The following KANK1 variants were observed in gnomAD, a reference collection of about 807,000 sequenced individuals.
KANK1 encodes KN motif and ankyrin repeat domains 1.
In KANK1, 109 loss-of-function variants were observed where a neutral mutation model predicts 106.2. That is an observed-to-expected ratio of 1.03 (90% CI 0.88 to 1.20). The LOEUF is 1.20. KANK1 is among the 50% of genes most tolerant of loss of function. The pLI is 0.00. For synonymous variants in KANK1, 873 were observed against 652.2 expected (o/e 1.34, Z -5.16); for missense variants, 2,399 against 1,710.7 (o/e 1.40, Z -7.10).
intron 1 of KANK1, among the ~76,000 whole-genome samples, chr9:636,469 G>T (rs573542841): frequency 2.1e-4 from 32 of 152,174 alleles, no homozygotes; most frequent in Non-Finnish European, 4.1e-4. Flanking sequence ...ACAGCATTCA[G>T]GACAATATTA....
chr9:659,765 G>A (rs924426573), intron 1 of KANK1, among the ~76,000 whole-genome samples: 1 of 151,774 alleles, frequency 6.6e-6, no homozygotes, highest in Non-Finnish European at 1.5e-5. Context: ...CCGCCCCCAT[G>A]ATCTAATCAC....
intron 1 of KANK1, among the ~76,000 whole-genome samples, chr9:584,097 C>T (rs1588027680): frequency 6.6e-6 from 1 of 152,076 alleles, no homozygotes; most frequent in Admixed American, 6.5e-5. Flanking sequence ...ATATCTTTCT[C>T]AGCATTACAT....
chr9:520,034 G>A (rs1277556254), intron 1 of KANK1, among the ~76,000 whole-genome samples: 2 of 151,688 alleles, frequency 1.3e-5, no homozygotes, highest in South Asian at 2.1e-4. Flanking sequence ...TTATGGCAGA[G>A]GGTAAGAAAA....
chr9:689,285 A>G (rs1050084516), intron 2 of KANK1, among the ~76,000 whole-genome samples: 1 of 152,174 alleles, frequency 6.6e-6, no homozygotes, highest in Non-Finnish European at 1.5e-5. Flanking sequence ...GCGTTTGTTG[A>G]ATAAAGGATA....
At chr9:671,411 C>T (rs1255782204) in intron 1 of KANK1, among the ~76,000 whole-genome samples, 10 of 151,368 alleles carry the variant, frequency 6.6e-5, no homozygotes, top group Admixed American at 3.3e-4. Context: ...TTTGGGAGGC[C>T]GAGGCATGCA....
chr9:663,936 C>T (rs74402635), intron 1 of KANK1, among the ~76,000 whole-genome samples: 1 of 152,146 alleles, frequency 6.6e-6, no homozygotes, highest in Non-Finnish European at 1.5e-5. Flanking sequence ...GGCAGATGCT[C>T]TCATGGGAAC....
At chr9:505,827 C>G (rs1026744630) in intron 1 of KANK1, among the ~76,000 whole-genome samples, 1 of 152,212 alleles carries the variant, frequency 6.6e-6, no homozygotes, top group Non-Finnish European at 1.5e-5. Context: ...AGTTCCTTTC[C>G]TCACCGTCAT....
At chr9:642,631 C>T (rs760209375) in intron 1 of KANK1, among the ~76,000 whole-genome samples, 8 of 150,856 alleles carry the variant, frequency 5.3e-5, no homozygotes, top group Non-Finnish European at 8.8e-5. Context: ...AAATTCCCCT[C>T]CTTTGAGTGG....
intron 1 of KANK1, among the ~76,000 whole-genome samples, chr9:564,120 C>T (rs941488736): frequency 1.6e-4 from 24 of 150,030 alleles, no homozygotes; most frequent in African/African-American, 5.2e-4. Flanking sequence ...AGTGCGGTGG[C>T]GCAATCTCGG....
At chr9:616,914 C>T (rs1339292028) in intron 1 of KANK1, among the ~76,000 whole-genome samples, 3 of 152,176 alleles carry the variant, frequency 2.0e-5, no homozygotes, top group African/African-American at 7.2e-5. Flanking sequence ...TAAAGCAAGT[C>T]ACAATGCCAC....
At chr9:669,568 C>G (rs946356594) in intron 1 of KANK1, among the ~76,000 whole-genome samples, 2 of 152,206 alleles carry the variant, frequency 1.3e-5, no homozygotes, top group South Asian at 2.1e-4. Context: ...TCCTGACTTA[C>G]GGTTTCCATT....
At chr9:622,574 A>G (rs1833401193) in intron 1 of KANK1, among the ~76,000 whole-genome samples, 1 of 152,162 alleles carries the variant, frequency 6.6e-6, no homozygotes, top group Admixed American at 6.5e-5. Context: ...GACCCTTAAC[A>G]CCATATACAA....
chr9:565,891 T>C (rs930205698), intron 1 of KANK1, among the ~76,000 whole-genome samples: 16 of 152,220 alleles, frequency 1.1e-4, no homozygotes, highest in African/African-American at 3.9e-4. Context: ...GGTTCAGGGG[T>C]GCATGTGCAG....
chr9:653,964 C>T (rs567807920), intron 1 of KANK1, among the ~76,000 whole-genome samples: 5 of 152,188 alleles, frequency 3.3e-5, no homozygotes, highest in African/African-American at 1.2e-4. Flanking sequence ...CACCCTGTTC[C>T]TTTCCACATG....
intron 1 of KANK1, among the ~76,000 whole-genome samples, chr9:529,105 T>G (rs1007694279): frequency 1.0e-4 from 15 of 148,494 alleles, no homozygotes; most frequent in African/African-American, 3.7e-4. Context: ...GGCCCATGGC[T>G]CAGATTTAAA....
chr9:675,209 A>C (rs555765304), intron 1 of KANK1, among the ~76,000 whole-genome samples: 2 of 152,200 alleles, frequency 1.3e-5, no homozygotes, highest in Non-Finnish European at 2.9e-5. Flanking sequence ...TTTAACCAAC[A>C]TACTTTGAAT....
intron 1 of KANK1, among the ~76,000 whole-genome samples, chr9:631,605 G>A (rs10975496): frequency 0.21 from 31,545 of 152,110 alleles, 3,715 homozygotes; most frequent in African/African-American, 0.3. Context: ...CAGAGCAGTA[G>A]TTACTGAAAA....
chr9:476,129 A>G (rs1402818743), intron 3 of KANK1, among the ~76,000 whole-genome samples: 2 of 150,698 alleles, frequency 1.3e-5, no homozygotes, highest in African/African-American at 2.4e-5. Flanking sequence ...GGGCAACAAG[A>G]GCAAAACTCC....
At chr9:518,109 C>A (rs978543258) in intron 1 of KANK1, among the ~76,000 whole-genome samples, 3 of 151,734 alleles carry the variant, frequency 2.0e-5, no homozygotes, top group Non-Finnish European at 4.4e-5. Flanking sequence ...AAAAGTGTCA[C>A]TCTTTCCTGC....
Sources: allele counts gnomAD v4.1 joint callset (sites outside exome capture counted in the v4.1 genomes callset), GRCh38; gene constraint gnomAD v4.1.1; transcripts MANE v1.5; gene names NCBI Gene and HGNC (gene_info 2026-07-23, HGNC 2026-07-21).